Variants in OR6N1 observed in about 807,000 individuals in gnomAD.
The protein encoded by OR6N1 is olfactory receptor family 6 subfamily N member 1, also known as olfactory receptor 6N1.
For synonymous variants in OR6N1, 170 were observed against 150.7 expected, an observed-to-expected ratio of 1.13 and a Z score of -0.94; for missense variants, 394 against 371.7, an observed-to-expected ratio of 1.06 and a Z score of -0.49.
chr1:158,807,752 C>T, the OR6N1 span, among the ~76,000 whole-genome samples: 4 of 152,282 alleles, frequency 2.6e-5, no homozygotes, highest in Admixed American at 1.3e-4. Context: ...ATCTGCCACT[C>T]CTAGCTTTAA....
At chr1:158,780,636 A>C in the OR6N1 span, among the ~76,000 whole-genome samples, 1 of 152,212 alleles carries the variant, frequency 6.6e-6, no homozygotes, top group African/African-American at 2.4e-5. Flanking sequence ...TCTAACACAA[A>C]GCCTATTTTA....
At chr1:158,815,626 G>A in the OR6N1 span, among the ~76,000 whole-genome samples, 2 of 152,036 alleles carry the variant, frequency 1.3e-5, no homozygotes, top group Non-Finnish European at 2.9e-5. Flanking sequence ...AAAATGTGAG[G>A]TATATGTAAA....
At chr1:158,796,833 T>A in the OR6N1 span, among the ~76,000 whole-genome samples, 1 of 152,186 alleles carries the variant, frequency 6.6e-6, no homozygotes, top group African/African-American at 2.4e-5. Context: ...TGATATATTT[T>A]TGTTTTTATT....
At chr1:158,826,765 G>A in the OR6N1 span, among the ~76,000 whole-genome samples, 1 of 152,174 alleles carries the variant, frequency 6.6e-6, no homozygotes, top group African/African-American at 2.4e-5. Context: ...GGAATTTCAG[G>A]ATGAGAGAAG....
chr1:158,832,738 T>C, the OR6N1 span, among the ~76,000 whole-genome samples: 1 of 152,044 alleles, frequency 6.6e-6, no homozygotes, highest in African/African-American at 2.4e-5. Context: ...TTCTTTAAGT[T>C]AGAGTTTGAA....
chr1:158,775,987 G>A (rs1218112379), upstream of OR6N1: 1 of 152,062 alleles, frequency 6.6e-6, no homozygotes, highest in African/African-American at 2.4e-5. Context: ...GAAAAATTGT[G>A]GTTTGGAGAT....
At chr1:158,790,400 ATTTT>A in the OR6N1 span, among the ~76,000 whole-genome samples, 1 of 129,466 alleles carries the variant, frequency 7.7e-6, no homozygotes, top group Non-Finnish European at 1.6e-5. Flanking sequence ...TTGATAGGGA[ATTTT>A]TTTTTTTTTT....
the OR6N1 span, among the ~76,000 whole-genome samples, chr1:158,824,483 G>A: frequency 6.6e-6 from 1 of 152,126 alleles, no homozygotes; most frequent in African/African-American, 2.4e-5. Flanking sequence ...TTCATGTTCA[G>A]TTGTGCGTTT....
Position 158,766,597 on chromosome 1 carries a change from A to G in OR6N1, c.86T>C (p.Leu29Pro). ...HLQGVQIYLF[L>P]LLLLIYLMTV... ...CATGAGGTAAATGAGAAGCAACAAGAGGAAGAGATAAATCTGGACACCCTG... is the reference window on the plus strand; with the variant it reads ...CATGAGGTAAATGAGAAGCAACAAGGGGAAGAGATAAATCTGGACACCCTG... Residue 29 changes from leucine (L) to proline (P), a missense_variant, in exon 2 of 2, where the codon CTC becomes CCC. By Grantham distance (98) the Leu-to-Pro change is moderately conservative (BLOSUM62 -3). Transcript: ENST00000641846. The G allele has an allele frequency of 6.2e-7, 1 of 1,614,072 alleles. No individual in the cohort carries two copies. Among genetic ancestry groups the G allele is most frequent in the Non-Finnish European group, 8.5e-7 (1 of 1,179,996 alleles).
intron 1 of OR6N1, among the ~76,000 whole-genome samples, chr1:158,771,341 T>C (rs1393264697): frequency 1.3e-5 from 2 of 152,158 alleles, no homozygotes; most frequent in Non-Finnish European, 2.9e-5. Flanking sequence ...TCATACCATG[T>C]CCTACCTCCT....
At chr1:158,769,058 T>C (rs146908315) in intron 1 of OR6N1, among the ~76,000 whole-genome samples, 1 of 152,210 alleles carries the variant, frequency 6.6e-6, no homozygotes. Context: ...GTAATTAATA[T>C]GCAAATCTAT....
chr1:158,776,054 G>A (rs554914744), upstream of OR6N1: 9 of 151,932 alleles, frequency 5.9e-5, no homozygotes, highest in South Asian at 2.1e-4. Flanking sequence ...GAATAACTCC[G>A]AGTATCTAGG....
Position 158,769,325 on chromosome 1 carries a change from G to A in OR6N1, c.-18-2625C>T, listed in dbSNP as rs1244740948. 3.3e-5 allele frequency among the ~76,000 whole-genome samples: 5 copies of A among 152,012 alleles called. No individual in the cohort carries two copies. The East Asian group carries it at 7.8e-4, about 24-fold the overall frequency. On this transcript the variant is annotated intron_variant, in intron 1 of 1. Coordinates refer to ENST00000641846, the MANE Select transcript of OR6N1 (RefSeq NM_001005185.2). ...ACTACAAACGTGCACCACCACGCCT[G>A]GCTAATTTTTGTGTTTTTGGTAGAG...
chr1:158,766,623 G>A lies in OR6N1; in HGVS notation c.60C>T (p.Leu20=), dbSNP rs142422988. 9.1e-5 allele frequency: 147 copies of A among 1,613,740 alleles called. No individual in the cohort carries two copies. Among genetic ancestry groups the A allele is most frequent in the Admixed American group, 1.5e-4 (9 of 59,974 alleles). The change falls in exon 2 of 2, where the codon CTC becomes CTT. Residue 20 remains leucine (L), a synonymous_variant. Coordinates refer to ENST00000641846, the MANE Select transcript of OR6N1 (RefSeq NM_001005185.2). ...GGAAGAGATAAATCTGGACACCCTG[G>A]AGATGGGGGAAGCCCAAGATGATGA... ...AEFIILGFPH[L]QGVQIYLFLL... is the part of the protein sequence containing the mutation.
chr1:158,777,580 C>A, the OR6N1 span: 1 of 1,614,042 alleles, frequency 6.2e-7, no homozygotes, highest in Non-Finnish European at 8.5e-7. Flanking sequence ...ATAGCCCACA[C>A]TGGCAAAGCC....
chr1:158,770,471 T>C (rs889783834), intron 1 of OR6N1, among the ~76,000 whole-genome samples: 2 of 152,192 alleles, frequency 1.3e-5, no homozygotes, highest in South Asian at 2.1e-4. Context: ...TTTTCCCTTT[T>C]TAAAAAATTT....
At chr1:158,791,014 A>G in the OR6N1 span, among the ~76,000 whole-genome samples, 5 of 152,300 alleles carry the variant, frequency 3.3e-5, no homozygotes, top group East Asian at 9.7e-4. Flanking sequence ...TTCTGCATCT[A>G]TTGAGATGAT....
the OR6N1 span, among the ~76,000 whole-genome samples, chr1:158,793,532 G>A: frequency 6.6e-6 from 1 of 151,994 alleles, no homozygotes; most frequent in Non-Finnish European, 1.5e-5. Context: ...ATTTTCAATG[G>A]CAAAGACTCT....
At chr1:158,830,048 G>A in the OR6N1 span, among the ~76,000 whole-genome samples, 6 of 152,288 alleles carry the variant, frequency 3.9e-5, no homozygotes, top group East Asian at 3.9e-4. Context: ...TCCACAACAC[G>A]TGGGAATTAT....
Sources: allele counts gnomAD v4.1 joint callset (sites outside exome capture counted in the v4.1 genomes callset), GRCh38; gene constraint gnomAD v4.1.1; transcripts MANE v1.5; gene names NCBI Gene and HGNC (gene_info 2026-07-23, HGNC 2026-07-21).